C2CD3: variants seen among roughly 807,000 people sequenced by gnomAD.
C2CD3 encodes the protein C2 domain-containing protein 3.
Under a neutral mutation model 234.0 loss-of-function variants are expected in C2CD3, and 148 were observed. The observed-to-expected ratio is 0.63, with a 90% confidence interval of 0.55 to 0.72. C2CD3 has a LOEUF of 0.72. Ranked by LOEUF, C2CD3 falls within the 30% of genes least tolerant of loss-of-function variation. C2CD3 has a pLI of 0.00. For missense variants in C2CD3, 2,577 were observed against 2,811.5 expected (o/e 0.92, Z 1.89); for synonymous variants, 1,000 against 1,035.4 (o/e 0.97, Z 0.66).
chr11:74,133,531 G>A lies in C2CD3; in HGVS notation c.982C>T (p.Arg328Cys), dbSNP rs769847567. 19 of 1,613,762 alleles carry A rather than the reference G, an allele frequency of 1.2e-5. No individual in the cohort carries two copies. Among genetic ancestry groups the A allele is most frequent in the East Asian group, 2.2e-5 (1 of 44,882 alleles). The change falls in exon 6 of 33, where the codon CGT becomes TGT. Residue 328 changes from arginine to cysteine, a missense_variant. Physicochemically the swap from Arg to Cys is radical, Grantham distance 180. Coordinates refer to ENST00000334126, the MANE Select transcript of C2CD3 (RefSeq NM_001286577.2). ...SALLEQGNKLRNAMVISAMKS... is the reference protein window; with the variant it reads ...SALLEQGNKLCNAMVISAMKS... ...ATTGCAGAAATCACCATGGCATTAC[G>A]CAGTTTATTGCCTTGTTCTAACAGA...
intron 32 of C2CD3, among the ~76,000 whole-genome samples, chr11:74,019,810 G>A (rs1208721426): frequency 2.0e-5 from 3 of 152,114 alleles, no homozygotes; most frequent in Non-Finnish European, 4.4e-5. Context: ...CCAAGTAGCT[G>A]GGATTAGAGG....
Position 74,033,840 on chromosome 11 carries a change from C to T in C2CD3, c.6320G>A (p.Arg2107Lys). ...VISPQPDEVQ[R>K]EGPSCPSPGP... ...TGGAGAAGGACAAGAGGGGCCTTCC[C>T]TCTGCACCTCGTCAGGCTGAGGGCT... The change falls in exon 31 of 33, where the codon AGG becomes AAG. Residue 2107 changes from arginine to lysine, a missense_variant. By Grantham distance (26) the Arg-to-Lys change is conservative (BLOSUM62 2). Coordinates refer to ENST00000334126, the MANE Select transcript of C2CD3 (RefSeq NM_001286577.2). The T allele has an allele frequency of 1.3e-6, 2 of 1,536,186 alleles. No homozygotes were observed. Among genetic ancestry groups the T allele is most frequent in the African/African-American group, 1.4e-5 (1 of 73,174 alleles).
chr11:74,030,838 T>C (rs938107605), intron 31 of C2CD3, among the ~76,000 whole-genome samples: 33 of 152,284 alleles, frequency 2.2e-4, no homozygotes, highest in African/African-American at 7.7e-4. Context: ...CTGTTTCCTA[T>C]CCAGTAAATG....
At chr11:74,048,927 C>T (rs560669508) in intron 27 of C2CD3, among the ~76,000 whole-genome samples, 8 of 152,276 alleles carry the variant, frequency 5.3e-5, no homozygotes, top group African/African-American at 1.9e-4. Flanking sequence ...AAAGAGTTGT[C>T]TACGCTTACC....
chr11:74,170,069 T>C (rs953940132), intron 1 of C2CD3, among the ~76,000 whole-genome samples: 1 of 152,156 alleles, frequency 6.6e-6, no homozygotes, highest in South Asian at 2.1e-4. Flanking sequence ...TAACATCCCC[T>C]ACTCGGTGAG....
chr11:74,127,908 G>T (rs1957469862), intron 7 of C2CD3, among the ~76,000 whole-genome samples: 1 of 151,970 alleles, frequency 6.6e-6, no homozygotes, highest in South Asian at 2.1e-4. Context: ...TGTCGCCCAG[G>T]CTGGAGTGTA....
intron 27 of C2CD3, 74 bp downstream of exon 27, chr11:74,049,263 C>T (rs1953552788): frequency 7.8e-7 from 1 of 1,286,984 alleles, no homozygotes; most frequent in African/African-American, 1.5e-5. Flanking sequence ...CGGAGAGTGC[C>T]AAACATGAGT....
At position 74,118,224 on chromosome 11, in the gene C2CD3, T is replaced by A; in HGVS notation, c.1520+4A>T. 1 of 1,610,894 alleles carries A rather than the reference T, an allele frequency of 6.2e-7. No homozygotes were observed. Among genetic ancestry groups the A allele is most frequent in the Non-Finnish European group, 8.5e-7 (1 of 1,178,186 alleles). The stretch of plus-strand genomic sequence containing the variant: ...CCTTTAAATAAACAGTCAGAGCAGC[T>A]CACCTATTTCTCTTGCCTGCTGACC... On this transcript the variant is annotated splice_donor_region_variant and intron_variant, in intron 9 of 32. Transcript: ENST00000334126.
intron 23 of C2CD3, among the ~76,000 whole-genome samples, chr11:74,077,831 A>G (rs1323320753): frequency 1.3e-4 from 2 of 15,692 alleles, no homozygotes; most frequent in African/African-American, 9.8e-4. Flanking sequence ...ATATATATAT[A>G]TATATATATA....
intron 18 of C2CD3, among the ~76,000 whole-genome samples, chr11:74,093,006 T>G (rs190699718): frequency 2.6e-5 from 4 of 152,218 alleles, no homozygotes; most frequent in African/African-American, 4.8e-5. Context: ...TTCCTTCTTA[T>G]GTCAAAACAA....
intron 29 of C2CD3, among the ~76,000 whole-genome samples, chr11:74,040,742 C>T (rs1342018085): frequency 1.3e-5 from 2 of 151,880 alleles, no homozygotes; most frequent in Non-Finnish European, 1.5e-5. Context: ...GGCAACAGTG[C>T]GAGACCCCAT....
intron 12 of C2CD3, among the ~76,000 whole-genome samples, chr11:74,108,728 T>A (rs1290131668): frequency 1.3e-5 from 2 of 152,150 alleles, no homozygotes; most frequent in African/African-American, 2.4e-5. Flanking sequence ...TTAGACATGT[T>A]AACTAAATCT....
intron 3 of C2CD3, among the ~76,000 whole-genome samples, chr11:74,147,152 A>G (rs978242866): frequency 6.6e-6 from 1 of 152,206 alleles, no homozygotes; most frequent in Non-Finnish European, 1.5e-5. Flanking sequence ...ACAGTGGTTC[A>G]CACAAATAAT....
chr11:74,043,356 G>C (rs1953167865), intron 28 of C2CD3, among the ~76,000 whole-genome samples: 1 of 152,164 alleles, frequency 6.6e-6, no homozygotes, highest in South Asian at 2.1e-4. Context: ...TATTCTGTTG[G>C]ATAGATATAC....
chr11:74,039,058 A>C (rs1454861073), intron 29 of C2CD3, among the ~76,000 whole-genome samples: 2 of 152,216 alleles, frequency 1.3e-5, no homozygotes, highest in Non-Finnish European at 2.9e-5. Flanking sequence ...GCCAAGACTC[A>C]AGTCACGGTG....
rs150958435 is a variant in C2CD3 at position 74,015,313 on chromosome 11, C to A, written c.6922-1788G>T. 4.4e-3 allele frequency among the ~76,000 whole-genome samples: 663 copies of A among 152,338 alleles called. 1 individual carries two copies. Among genetic ancestry groups the A allele is most frequent in the Non-Finnish European group, 7.6e-3 (518 of 68,038 alleles). ...AGGAGACTCTTTGTAGTAAGCTTCT[C>A]ATTCATTCATTCTAGAACCAGTGGT... On this transcript the variant is annotated intron_variant, in intron 32 of 32. Coordinates refer to ENST00000334126, the MANE Select transcript of C2CD3 (RefSeq NM_001286577.2).
chr11:74,077,799 AT>A (rs1955119607), intron 23 of C2CD3, among the ~76,000 whole-genome samples: 1 of 17,000 alleles, frequency 5.9e-5, no homozygotes, highest in Non-Finnish European at 1.4e-4. Flanking sequence ...ATATATATAT[AT>A]ATATATATAT....
intron 28 of C2CD3, among the ~76,000 whole-genome samples, chr11:74,045,919 TG>T (rs1953352876): frequency 6.6e-6 from 1 of 152,202 alleles, no homozygotes; most frequent in Non-Finnish European, 1.5e-5. Context: ...GAAATACAAT[TG>T]ATTTTGCTTA....
chr11:74,045,462 A>C lies in C2CD3; in HGVS notation c.5495+2743T>G, dbSNP rs147432633. Among the ~76,000 whole-genome samples, 4 of 152,342 alleles carry C rather than the reference A, an allele frequency of 2.6e-5. No homozygotes were observed. In the East Asian group the frequency reaches 7.7e-4, roughly 29 times the overall value. On this transcript the variant is annotated intron_variant, in intron 28 of 32. Transcript: ENST00000334126. Reference sequence around the variant, plus strand: ...GGAATTTTGATAGGGATTGTGTTGAATCTGTAGATCAACGTGGAGAATATT... The same window carrying C: ...GGAATTTTGATAGGGATTGTGTTGACTCTGTAGATCAACGTGGAGAATATT...
Sources: allele counts gnomAD v4.1 joint callset (sites outside exome capture counted in the v4.1 genomes callset), GRCh38; gene constraint gnomAD v4.1.1; transcripts MANE v1.5; gene names NCBI Gene and HGNC (gene_info 2026-07-23, HGNC 2026-07-21).